KDM2B: variants seen among roughly 807,000 people sequenced by gnomAD.
KDM2B encodes the protein lysine-specific demethylase 2B.
A neutral mutation model predicts 150.0 loss-of-function variants in KDM2B; 26 were observed. That is an observed-to-expected ratio of 0.17 (90% CI 0.13 to 0.24). KDM2B has a LOEUF of 0.24. KDM2B is among the 10% of genes least tolerant of loss of function. The pLI is 1.00. For synonymous variants in KDM2B, 734 were observed against 729.5 expected, an observed-to-expected ratio of 1.01 and a Z score of -0.10; for missense variants, 1,265 against 1,816.9, an observed-to-expected ratio of 0.70 and a Z score of 5.52.
chr12:121,538,438 G>C (rs782421523), intron 6 of KDM2B, among the ~76,000 whole-genome samples: 38 of 152,106 alleles, frequency 2.5e-4, no homozygotes, highest in Admixed American at 1.6e-3. Flanking sequence ...AGGCCCACGC[G>C]CTGTGTGACC....
At chr12:121,417,475 G>T in the KDM2B span, 1 of 1,583,832 alleles carries the variant, frequency 6.3e-7, no homozygotes, top group Non-Finnish European at 8.6e-7. The surrounding 1 kb of genome is among the most constrained non-coding windows in gnomAD (Gnocchi z 5.0). Flanking sequence ...TTTATATCTT[G>T]CTGTCATCAA....
chr12:121,459,865 G>A (rs1878852919), intron 12 of KDM2B, among the ~76,000 whole-genome samples: 1 of 151,988 alleles, frequency 6.6e-6, no homozygotes, highest in South Asian at 2.1e-4. Context: ...GCTTTAAAGG[G>A]CACTATCATG....
chr12:121,557,162 G>T (rs1889959610), intron 4 of KDM2B, among the ~76,000 whole-genome samples: 1 of 151,740 alleles, frequency 6.6e-6, no homozygotes, highest in Non-Finnish European at 1.5e-5. Context: ...GTGATACAGG[G>T]TCTTTGCTGA....
intron 4 of KDM2B, among the ~76,000 whole-genome samples, chr12:121,570,772 T>C (rs1216127692): frequency 6.6e-6 from 1 of 152,186 alleles, no homozygotes; most frequent in Non-Finnish European, 1.5e-5. Flanking sequence ...AGTTCCTCAG[T>C]AAGTTAAACA....
At chr12:121,532,745 A>G (rs935358254) in intron 8 of KDM2B, 61 bp downstream of exon 8, 2 of 1,575,670 alleles carry the variant, frequency 1.3e-6, no homozygotes, top group African/African-American at 1.3e-5. Flanking sequence ...CAGGGGGCCT[A>G]AAACCCTGGC....
intron 22 of KDM2B, among the ~76,000 whole-genome samples, chr12:121,434,231 C>G (rs1555286196): frequency 6.6e-6 from 1 of 151,840 alleles, no homozygotes; most frequent in Non-Finnish European, 1.5e-5. Flanking sequence ...ACATATAGAC[C>G]AATGGAATAG....
chr12:121,486,921 T>C (rs536195672), intron 12 of KDM2B, among the ~76,000 whole-genome samples: 1 of 152,042 alleles, frequency 6.6e-6, no homozygotes, highest in Non-Finnish European at 1.5e-5. Flanking sequence ...TACAGTGAAC[T>C]ATGATTGAGC....
chr12:121,562,136 C>T (rs1468066995), intron 4 of KDM2B, among the ~76,000 whole-genome samples: 3 of 150,668 alleles, frequency 2.0e-5, no homozygotes, highest in Non-Finnish European at 4.4e-5. Context: ...AGCCACTGCA[C>T]TCCAACATGG....
intron 12 of KDM2B, among the ~76,000 whole-genome samples, chr12:121,479,303 T>C (rs1479658308): frequency 2.9e-5 from 4 of 137,038 alleles, no homozygotes; most frequent in Non-Finnish European, 3.2e-5. Flanking sequence ...CCGTCTCTAC[T>C]AAAAATACAA....
intron 11 of KDM2B, among the ~76,000 whole-genome samples, chr12:121,499,322 T>A (rs879952292): frequency 6.6e-6 from 1 of 150,620 alleles, no homozygotes; most frequent in African/African-American, 2.4e-5. Context: ...GGTTTCACCA[T>A]GTTGGCCAGG....
At position 121,578,965 on chromosome 12, in the gene KDM2B, G is replaced by C. The variant is rs1555317399; in HGVS notation, c.127-19C>G. 6.2e-7 allele frequency: 1 copy of C among 1,608,558 alleles called. No individual in the cohort carries two copies. Among genetic ancestry groups the C allele is most frequent in the African/African-American group, 1.3e-5 (1 of 74,894 alleles). Reference sequence around the variant, plus strand: ...TCGGGCGCTGCGAGGACCCAAACCAGAGAGCCCGGGACATTATTGTGGGGG... The same window carrying C: ...TCGGGCGCTGCGAGGACCCAAACCACAGAGCCCGGGACATTATTGTGGGGG... On this transcript the variant is annotated intron_variant, in intron 1 of 22. Coordinates refer to ENST00000377071, the MANE Select transcript of KDM2B (RefSeq NM_032590.5).
chr12:121,524,748 G>A (rs1555306529), intron 8 of KDM2B: 1 of 440,278 alleles, frequency 2.3e-6, no homozygotes, highest in South Asian at 1.6e-5. Context: ...CCTGGGCTGG[G>A]AACGCTGGCA....
chr12:121,541,092 C>A (rs577322232), intron 6 of KDM2B, among the ~76,000 whole-genome samples: 2 of 151,734 alleles, frequency 1.3e-5, no homozygotes, highest in Admixed American at 1.3e-4. Context: ...ATTAGCCAGC[C>A]GTGGTGGCAC....
intron 6 of KDM2B, among the ~76,000 whole-genome samples, chr12:121,544,059 G>A (rs905060117): frequency 4.3e-5 from 6 of 138,924 alleles, no homozygotes; most frequent in Non-Finnish European, 6.0e-5. Context: ...AAGTTGCAAC[G>A]ACCCACAATT....
In KDM2B at chr12:121,549,024, C is replaced by T. The variant is rs1164024977; in HGVS notation, c.577-41G>A. On this transcript the variant is annotated intron_variant, in intron 5 of 22. Coordinates refer to ENST00000377071, the MANE Select transcript of KDM2B (RefSeq NM_032590.5). This position sits in a 1 kb window ranked among gnomAD's most constrained non-coding sequence, Gnocchi z 4.4. ...GTGTGAGCACTGCATTTCTCCACTG[C>T]CGAGCCAGACACAAATACCCCTTTC... 3 of 1,510,642 alleles carry T rather than the reference C, an allele frequency of 2.0e-6. No individual in the cohort carries two copies. Among genetic ancestry groups the T allele is most frequent in the Non-Finnish European group, 2.8e-6 (3 of 1,086,672 alleles). The allele number at this position is 1,510,642 out of a possible 1,614,324, so 93.6% of individuals were successfully genotyped here. A position where few individuals can be genotyped will look rare whatever the true frequency, so the allele number is the denominator to read the frequency against.
chr12:121,474,700 G>A (rs1555296451), intron 12 of KDM2B, among the ~76,000 whole-genome samples: 1 of 152,020 alleles, frequency 6.6e-6, no homozygotes, highest in Non-Finnish European at 1.5e-5. Context: ...CGCCTGTAAT[G>A]CCAGCACTTT....
Position 121,430,130 on chromosome 12 carries a change from A to T in KDM2B, c.*158T>A. ...AAAGTGTCGGCTCACTCATCCCCCAAACGGGTGGTTGAACAGCTTCTCCCT... is the reference window on the plus strand; with the variant it reads ...AAAGTGTCGGCTCACTCATCCCCCATACGGGTGGTTGAACAGCTTCTCCCT... On this transcript the variant is annotated 3_prime_UTR_variant, in exon 23 of 23. Transcript: ENST00000377071. The surrounding 1 kb of genome is among the most constrained non-coding windows in gnomAD (Gnocchi z 4.4). 1 of 1,613,752 alleles carries T rather than the reference A, an allele frequency of 6.2e-7. No individual in the cohort carries two copies. Among genetic ancestry groups the T allele is most frequent in the Non-Finnish European group, 8.5e-7 (1 of 1,179,682 alleles).
At chr12:121,567,696 A>T (rs1313581830) in intron 4 of KDM2B, among the ~76,000 whole-genome samples, 1 of 151,908 alleles carries the variant, frequency 6.6e-6, no homozygotes, top group African/African-American at 2.4e-5. Flanking sequence ...AATTGTCAGA[A>T]AATACATTTC....
At chr12:121,439,331 G>C (rs1290446907) in intron 22 of KDM2B, among the ~76,000 whole-genome samples, 32 of 151,474 alleles carry the variant, frequency 2.1e-4, no homozygotes, top group Non-Finnish European at 7.4e-5. Flanking sequence ...TGTGGCTGCT[G>C]CTAACTGGCA....
Sources: gnomAD v4.1 joint callset for allele counts (sites outside exome capture counted in the v4.1 genomes callset) on GRCh38, gnomAD v4.1.1 for gene constraint, Gnocchi (gnomAD v3.1) non-coding constraint, MANE v1.5 for transcripts, NCBI Gene and HGNC (gene_info 2026-07-23, HGNC 2026-07-21) for gene names.